Variants in AGBL4 observed in about 807,000 individuals in gnomAD.
AGBL4 encodes AGBL carboxypeptidase 4, also known as cytosolic carboxypeptidase 6.
Under a neutral mutation model 66.4 loss-of-function variants are expected in AGBL4, and 58 were observed. The observed-to-expected ratio is 0.87, with a 90% CI of 0.71 to 1.09. The LOEUF (loss-of-function observed/expected upper bound fraction) is 1.09, where lower values mean the gene tolerates loss of function less well. AGBL4 is among the 50% of genes least tolerant of loss of function. The pLI is 0.00. For synonymous variants in AGBL4, 234 were observed against 222.9 expected, an observed-to-expected ratio of 1.05 and a Z score of -0.44; for missense variants, 579 against 631.0, an observed-to-expected ratio of 0.92 and a Z score of 0.88.
chr1:48,724,302 C>T lies in AGBL4; in HGVS notation c.635-61061G>A, dbSNP rs116594441. Reference sequence around the variant, plus strand: ...TTAAGAAAGATGAAGTAACTTGCTTCATTTGTTGGTAAGTGCTAGAGTTGG... The same window carrying T: ...TTAAGAAAGATGAAGTAACTTGCTTTATTTGTTGGTAAGTGCTAGAGTTGG... On this transcript the variant is annotated intron_variant, in intron 6 of 13. Transcript: ENST00000371839. 8.5e-4 allele frequency among the ~76,000 whole-genome samples: 130 copies of T among 152,288 alleles called. 1 individual carries two copies. Among genetic ancestry groups the T allele is most frequent in the African/African-American group, 3.0e-3 (124 of 41,568 alleles).
At chr1:49,060,594 T>C (rs1644385673) in intron 4 of AGBL4, among the ~76,000 whole-genome samples, 1 of 152,194 alleles carries the variant, frequency 6.6e-6, no homozygotes, top group South Asian at 2.1e-4. Flanking sequence ...GGAGTGGTGC[T>C]GGTTTTTAAG....
At chr1:49,894,716 C>G (rs559439948) in intron 1 of AGBL4, among the ~76,000 whole-genome samples, 1 of 152,098 alleles carries the variant, frequency 6.6e-6, no homozygotes, top group Admixed American at 6.6e-5. Flanking sequence ...AACACACAGT[C>G]AGAGGATACA....
chr1:49,410,319 T>A (rs1645291331), intron 3 of AGBL4, among the ~76,000 whole-genome samples: 1 of 152,136 alleles, frequency 6.6e-6, no homozygotes, highest in Non-Finnish European at 1.5e-5. Context: ...TGCTCCTAAC[T>A]TTCTTCCCAT....
chr1:49,283,815 G>T (rs1241849614), intron 3 of AGBL4, among the ~76,000 whole-genome samples: 1 of 146,418 alleles, frequency 6.8e-6, no homozygotes, highest in South Asian at 2.3e-4. Flanking sequence ...GGGAAGTTTA[G>T]AGAAAAAAGA....
intron 11 of AGBL4, among the ~76,000 whole-genome samples, chr1:48,543,068 C>T (rs1376218784): frequency 6.6e-6 from 1 of 152,056 alleles, no homozygotes; most frequent in Non-Finnish European, 1.5e-5. Flanking sequence ...AAGTGAGTAC[C>T]CTGGCTGCAT....
chr1:49,701,727 C>T (rs926964399), intron 2 of AGBL4, among the ~76,000 whole-genome samples: 6 of 151,838 alleles, frequency 4.0e-5, no homozygotes, highest in African/African-American at 1.5e-4. Context: ...ACAAAAGTGA[C>T]AACTTTAAAT....
rs74782194 is a variant in AGBL4 at position 48,615,957 on chromosome 1, G to T, written c.951+18536C>A. ...TCTCACATGGTGGAAGTAATGAAAG[G>T]GTGAAAGGGCAAAATGTTCTTGCTA... On this transcript the variant is annotated intron_variant, in intron 9 of 13. Transcript: ENST00000371839. Among the ~76,000 whole-genome samples the T allele has an allele frequency of 1.8e-4, 28 of 152,266 alleles. 1 individual carries two copies. In the East Asian group the frequency reaches 5.0e-3, roughly 27 times the overall value.
At chr1:49,434,849 T>C (rs1645867626) in intron 3 of AGBL4, among the ~76,000 whole-genome samples, 1 of 152,064 alleles carries the variant, frequency 6.6e-6, no homozygotes, top group Non-Finnish European at 1.5e-5. Context: ...GGCACAAAGG[T>C]GATGGGAAGT....
intron 1 of AGBL4, among the ~76,000 whole-genome samples, chr1:49,895,630 A>C (rs1649120579): frequency 6.6e-6 from 1 of 152,042 alleles, no homozygotes; most frequent in Non-Finnish European, 1.5e-5. Flanking sequence ...TTGTTTATGC[A>C]AGCACTATTA....
chr1:50,014,718 A>G (rs747112046), intron 1 of AGBL4, among the ~76,000 whole-genome samples: 14 of 151,666 alleles, frequency 9.2e-5, no homozygotes, highest in Admixed American at 2.6e-4. Flanking sequence ...AGAGACGGGG[A>G]TTCACCACGT....
At chr1:49,786,059 C>T (rs912420529) in intron 2 of AGBL4, among the ~76,000 whole-genome samples, 1 of 151,818 alleles carries the variant, frequency 6.6e-6, no homozygotes, top group Non-Finnish European at 1.5e-5. Flanking sequence ...GATGCTTTTA[C>T]AAAATATTCC....
chr1:48,567,926 G>T (rs1644501854), intron 11 of AGBL4, among the ~76,000 whole-genome samples: 1 of 152,148 alleles, frequency 6.6e-6, no homozygotes, highest in Non-Finnish European at 1.5e-5. Flanking sequence ...GCCTTGTGAG[G>T]CTGTGCAAGG....
chr1:49,877,321 G>C (rs1312290939), intron 1 of AGBL4, among the ~76,000 whole-genome samples: 1 of 151,566 alleles, frequency 6.6e-6, no homozygotes, highest in Non-Finnish European at 1.5e-5. Flanking sequence ...TTATTATTTT[G>C]AAATACGTCC....
intron 3 of AGBL4, among the ~76,000 whole-genome samples, chr1:49,689,890 T>G (rs1190782551): frequency 1.3e-5 from 2 of 152,220 alleles, no homozygotes; most frequent in Non-Finnish European, 2.9e-5. Flanking sequence ...TGAAAGAAGT[T>G]CTACTGTGAG....
intron 6 of AGBL4, among the ~76,000 whole-genome samples, chr1:48,753,000 G>A (rs1173306799): frequency 2.6e-5 from 4 of 151,992 alleles, no homozygotes; most frequent in Non-Finnish European, 4.4e-5. Flanking sequence ...CGCCTGCCTC[G>A]GCCTCCCAAA....
intron 9 of AGBL4, among the ~76,000 whole-genome samples, chr1:48,611,007 ACT>A (rs1213115526): frequency 6.6e-6 from 1 of 152,202 alleles, no homozygotes; most frequent in African/African-American, 2.4e-5. Context: ...CTCCTCCCTG[ACT>A]GCCAGGGCAG....
chr1:49,324,848 A>G (rs1645197910), intron 3 of AGBL4, among the ~76,000 whole-genome samples: 1 of 152,224 alleles, frequency 6.6e-6, no homozygotes, highest in Non-Finnish European at 1.5e-5. Context: ...TGTTTATCAC[A>G]GTGAGTGACA....
chr1:48,571,041 T>C (rs1348473492), intron 11 of AGBL4, among the ~76,000 whole-genome samples: 1 of 152,222 alleles, frequency 6.6e-6, no homozygotes, highest in Non-Finnish European at 1.5e-5. Flanking sequence ...TTGTAAGGCG[T>C]AATAATAGAT....
chr1:49,797,083 T>G (rs1644749506), intron 2 of AGBL4, among the ~76,000 whole-genome samples: 1 of 152,212 alleles, frequency 6.6e-6, no homozygotes, highest in South Asian at 2.1e-4. Context: ...ATGTACTACA[T>G]AGTCTAAATC....
Sources: gnomAD v4.1 joint callset for allele counts (sites outside exome capture counted in the v4.1 genomes callset) on GRCh38, gnomAD v4.1.1 for gene constraint, MANE v1.5 for transcripts, NCBI Gene and HGNC (gene_info 2026-07-23, HGNC 2026-07-21) for gene names.